Variants in CTNNA3 observed in about 807,000 individuals in gnomAD.
CTNNA3 encodes catenin alpha-3.
Under a neutral mutation model 95.7 loss-of-function variants are expected in CTNNA3, and 76 were observed. The ratio of observed to expected loss-of-function variants is 0.79; its 90% CI spans 0.66 to 0.96. CTNNA3 has a LOEUF of 0.96. CTNNA3 is among the 40% of genes least tolerant of loss of function. CTNNA3 has a pLI of 0.00. For missense variants in CTNNA3, 1,191 were observed against 1,089.8 expected (o/e 1.09, Z -1.31); for synonymous variants, 431 against 374.4 (o/e 1.15, Z -1.74).
At chr10:66,763,422 T>C (rs1395195446) in intron 9 of CTNNA3, among the ~76,000 whole-genome samples, 1 of 150,580 alleles carries the variant, frequency 6.6e-6, no homozygotes, top group African/African-American at 2.4e-5. Context: ...TGCCTAAAAA[T>C]CATTTTTATT....
chr10:67,122,906 C>A (rs1335978866), intron 7 of CTNNA3, among the ~76,000 whole-genome samples: 1 of 151,940 alleles, frequency 6.6e-6, no homozygotes, highest in Non-Finnish European at 1.5e-5. Context: ...TAAAAAGCCA[C>A]ATTAATAAAA....
At chr10:67,351,667 A>G (rs969725479) in intron 5 of CTNNA3, among the ~76,000 whole-genome samples, 1 of 151,978 alleles carries the variant, frequency 6.6e-6, no homozygotes, top group Non-Finnish European at 1.5e-5. Context: ...AAATTAATGC[A>G]AAGTTATTTT....
At chr10:66,841,687 T>C (rs1374069481) in intron 7 of CTNNA3, among the ~76,000 whole-genome samples, 1 of 152,216 alleles carries the variant, frequency 6.6e-6, no homozygotes, top group Non-Finnish European at 1.5e-5. Flanking sequence ...AATCAAAGCA[T>C]TCTCTATGTA....
chr10:66,740,270 G>C (rs534824684), intron 9 of CTNNA3, among the ~76,000 whole-genome samples: 1 of 152,142 alleles, frequency 6.6e-6, no homozygotes, highest in African/African-American at 2.4e-5. Context: ...AAGAAATTAG[G>C]CTGGGGCTAT....
chr10:67,550,555 A>G (rs984529556), intron 3 of CTNNA3, among the ~76,000 whole-genome samples: 2 of 151,922 alleles, frequency 1.3e-5, no homozygotes, highest in Admixed American at 6.5e-5. Flanking sequence ...AAGAAAGAAT[A>G]AAGAAATTAT....
chr10:66,750,054 GT>G (rs1489777955), intron 9 of CTNNA3, among the ~76,000 whole-genome samples: 2 of 152,094 alleles, frequency 1.3e-5, no homozygotes, highest in Non-Finnish European at 2.9e-5. Context: ...TCATTTTTCA[GT>G]TTGGTTGTTT....
intron 7 of CTNNA3, among the ~76,000 whole-genome samples, chr10:67,158,387 A>G (rs1781848360): frequency 6.6e-6 from 1 of 152,180 alleles, no homozygotes; most frequent in African/African-American, 2.4e-5. Flanking sequence ...TTTAGAAATC[A>G]TCACTAATAA....
At chr10:67,203,469 A>C (rs1328770401) in intron 6 of CTNNA3, among the ~76,000 whole-genome samples, 1 of 152,182 alleles carries the variant, frequency 6.6e-6, no homozygotes, top group African/African-American at 2.4e-5. Context: ...GTGTGAGAAC[A>C]GACTAATACG....
At chr10:66,024,726 T>G (rs1406925086) in intron 15 of CTNNA3, among the ~76,000 whole-genome samples, 1 of 152,202 alleles carries the variant, frequency 6.6e-6, no homozygotes, top group Non-Finnish European at 1.5e-5. Flanking sequence ...CCTGGGGAAC[T>G]AATTAAACAG....
intron 7 of CTNNA3, among the ~76,000 whole-genome samples, chr10:66,807,956 G>A (rs1841721483): frequency 6.6e-6 from 1 of 151,960 alleles, no homozygotes; most frequent in Admixed American, 6.6e-5. Context: ...CACCACTCTT[G>A]CTTGCTTGGT....
chr10:65,967,799 A>G (rs543749066), intron 16 of CTNNA3, among the ~76,000 whole-genome samples: 1 of 152,174 alleles, frequency 6.6e-6, no homozygotes, highest in Non-Finnish European at 1.5e-5. Context: ...AATTTATAAA[A>G]ATTCCTTCTA....
intron 1 of CTNNA3, among the ~76,000 whole-genome samples, chr10:67,648,340 A>G (rs950819211): frequency 1.3e-5 from 2 of 152,222 alleles, no homozygotes; most frequent in African/African-American, 4.8e-5. Context: ...ATCTACTAAA[A>G]ACTACAGTAA....
intron 6 of CTNNA3, among the ~76,000 whole-genome samples, chr10:67,195,554 T>C (rs1311653155): frequency 6.6e-6 from 1 of 151,924 alleles, no homozygotes; most frequent in African/African-American, 2.4e-5. Context: ...CTTGCTAATG[T>C]TATTTTTTGC....
intron 13 of CTNNA3, among the ~76,000 whole-genome samples, chr10:66,219,621 C>CTT (rs139117603): frequency 2.0e-5 from 3 of 150,404 alleles, no homozygotes; most frequent in African/African-American, 7.3e-5. Flanking sequence ...CCAATTAAGT[C>CTT]TTTTTTTTTT....
chr10:67,391,262 C>T (rs1844470473), intron 5 of CTNNA3, among the ~76,000 whole-genome samples: 1 of 151,868 alleles, frequency 6.6e-6, no homozygotes, highest in African/African-American at 2.4e-5. Context: ...ACACCAACAA[C>T]AGACAAACAG....
At chr10:66,389,729 GAGAGAGAGA>G (rs1179374704) in intron 11 of CTNNA3, among the ~76,000 whole-genome samples, 1 of 24,194 alleles carries the variant, frequency 4.1e-5, no homozygotes, top group Admixed American at 3.8e-4. Context: ...TATATGGAGA[GAGAGAGAGA>G]GAGAGAGAGA....
chr10:66,772,804 CTGATAG>C (rs1309777054), intron 8 of CTNNA3, among the ~76,000 whole-genome samples: 1 of 152,112 alleles, frequency 6.6e-6, no homozygotes, highest in East Asian at 1.9e-4. Context: ...TTCTGCATTA[CTGATAG>C]AAAGGCCATG....
chr10:66,676,096 T>C (rs1846843233), intron 9 of CTNNA3, among the ~76,000 whole-genome samples: 1 of 141,630 alleles, frequency 7.1e-6, no homozygotes, highest in African/African-American at 2.5e-5. Context: ...ATGTTAGAGT[T>C]AAAACCTTTA....
At chr10:66,812,387 G>A (rs1159497955) in intron 7 of CTNNA3, among the ~76,000 whole-genome samples, 2 of 152,060 alleles carry the variant, frequency 1.3e-5, no homozygotes, top group African/African-American at 4.8e-5. Flanking sequence ...CAATTACATG[G>A]TATTCTGCTA....
Sources: allele counts gnomAD v4.1 joint callset (sites outside exome capture counted in the v4.1 genomes callset), GRCh38; gene constraint gnomAD v4.1.1; transcripts MANE v1.5; gene names NCBI Gene and HGNC (gene_info 2026-07-23, HGNC 2026-07-21).